Variants in LAMTOR3 observed in about 807,000 individuals in gnomAD.
LAMTOR3 encodes late endosomal/lysosomal adaptor, MAPK and MTOR activator 3, also known as ragulator complex protein LAMTOR3.
A neutral mutation model predicts 20.3 loss-of-function variants in LAMTOR3; 14 were observed. The ratio of observed to expected loss-of-function variants is 0.69; its 90% CI spans 0.46 to 1.08. The LOEUF (loss-of-function observed/expected upper bound fraction) is 1.08. Among genes scored for constraint, LAMTOR3 ranks in the 50% least tolerant of loss-of-function variants. The pLI, the probability that LAMTOR3 is intolerant of heterozygous loss-of-function variation, is 0.00. For missense variants in LAMTOR3, 125 were observed against 143.7 expected, an observed-to-expected ratio of 0.87 and a Z score of 0.67; for synonymous variants, 40 against 49.4, an observed-to-expected ratio of 0.81 and a Z score of 0.80.
intron 6 of LAMTOR3, among the ~76,000 whole-genome samples, chr4:99,883,657 T>C (rs2110179494): frequency 6.6e-6 from 1 of 152,100 alleles, no homozygotes; most frequent in African/African-American, 2.4e-5. Context: ...ATTTAATAGA[T>C]TGGTCTGTAA....
intron 4 of LAMTOR3, 145 bp from the exon 5 acceptor site, chr4:99,885,820 T>G: frequency 1.6e-6 from 1 of 623,444 alleles, no homozygotes; most frequent in South Asian, 2.7e-5. Flanking sequence ...TAATGGGGTC[T>G]CATCACTAAT....
chr4:99,884,254 T>C, intron 5 of LAMTOR3, 129 bp from the exon 6 acceptor site: 1 of 668,984 alleles, frequency 1.5e-6, no homozygotes, highest in Non-Finnish European at 2.6e-6. Flanking sequence ...GGTATTATAT[T>C]ATGAAACAGA....
chr4:99,889,593 A>G (rs1415634369), intron 3 of LAMTOR3, among the ~76,000 whole-genome samples: 1 of 152,240 alleles, frequency 6.6e-6, no homozygotes, highest in Non-Finnish European at 1.5e-5. Context: ...ATACGTGTAT[A>G]TACATGTCTG....
intron 4 of LAMTOR3, 110 bp from the exon 5 acceptor site, chr4:99,885,785 T>A: frequency 1.1e-6 from 1 of 911,322 alleles, no homozygotes; most frequent in Non-Finnish European, 1.7e-6. Flanking sequence ...AAGGTTATGT[T>A]TCACAATATT....
intron 3 of LAMTOR3, among the ~76,000 whole-genome samples, chr4:99,889,129 T>C (rs1053089018): frequency 6.6e-6 from 1 of 152,146 alleles, no homozygotes; most frequent in African/African-American, 2.4e-5. Context: ...CGATTGAACC[T>C]GGGTTGCAGT....
intron 6 of LAMTOR3, 48 bp downstream of exon 6, chr4:99,884,014 T>C: frequency 7.6e-7 from 1 of 1,314,626 alleles, no homozygotes. Context: ...ATTAAATTAA[T>C]TTTTTAAAAT....
Position 99,878,884 on chromosome 4 carries a change from A to G in LAMTOR3, c.*3110T>C, listed in dbSNP as rs1016367116. 3 of 152,248 alleles carry G rather than the reference A, an allele frequency of 2.0e-5. No homozygotes were observed. Among genetic ancestry groups the G allele is most frequent in the African/African-American group, 7.2e-5 (3 of 41,470 alleles). 9.4% of individuals were successfully genotyped at this position (152,248 alleles called of 1,614,324 possible). A position where few individuals can be genotyped will look rare whatever the true frequency, so the allele number is the denominator to read the frequency against. ...AGCATATGGTTATCCTACCTATGGC[A>G]GATATTTAGGTTGCTTCCAATTCTT... On this transcript the variant is annotated 3_prime_UTR_variant, in exon 7 of 7. Coordinates refer to ENST00000499666, the MANE Select transcript of LAMTOR3 (RefSeq NM_021970.4).
chr4:99,881,542 C>CA lies in LAMTOR3; in HGVS notation c.*451dup, dbSNP rs1303478880. The CA allele has an allele frequency of 6.5e-6, 1 of 154,708 alleles. No homozygotes were observed. Among genetic ancestry groups the CA allele is most frequent in the East Asian group, 1.9e-4 (1 of 5,218 alleles). 9.6% of individuals were successfully genotyped at this position (154,708 alleles called of 1,614,324 possible). On this transcript the variant is annotated 3_prime_UTR_variant, in exon 7 of 7. Transcript: ENST00000499666. Reference sequence around the variant, plus strand: ...ACCAAGCCATTTTATGTTCCTCACTCAATGCAAAGAAATAAAACATAATCT... The same window carrying CA: ...ACCAAGCCATTTTATGTTCCTCACTCAAATGCAAAGAAATAAAACATAATCT...
chr4:99,887,168 T>C (rs1459467340), intron 4 of LAMTOR3, 128 bp downstream of exon 4: 2 of 525,024 alleles, frequency 3.8e-6, no homozygotes, highest in Non-Finnish European at 6.7e-6. Flanking sequence ...CTTTCCCCAA[T>C]ACTAAGACCA....
At chr4:99,887,406 A>T (rs1724949109) in intron 3 of LAMTOR3, 52 bp from the exon 4 acceptor site, 5 of 811,404 alleles carry the variant, frequency 6.2e-6, no homozygotes, top group African/African-American at 1.8e-5. Flanking sequence ...ATAAAATTTT[A>T]AAAAGTTAAA....
chr4:99,885,187 C>G (rs982437485), intron 5 of LAMTOR3, among the ~76,000 whole-genome samples: 1 of 151,928 alleles, frequency 6.6e-6, no homozygotes, highest in African/African-American at 2.4e-5. Context: ...AATAAACTTT[C>G]AAGGAAAGTT....
chr4:99,882,176 CAT>C (rs1462317766), intron 6 of LAMTOR3, 109 bp from the exon 7 acceptor site: 7 of 663,648 alleles, frequency 1.1e-5, no homozygotes, highest in Non-Finnish European at 7.8e-6. Context: ...TAAATCAGAA[CAT>C]AGTTTATTTC....
chr4:99,888,520 A>T (rs1724968408), intron 3 of LAMTOR3, among the ~76,000 whole-genome samples: 1 of 152,222 alleles, frequency 6.6e-6, no homozygotes, highest in Non-Finnish European at 1.5e-5. Flanking sequence ...TGTTAACATA[A>T]ATCTTATAGT....
chr4:99,885,475 T>A (rs1390413222), intron 5 of LAMTOR3, 67 bp downstream of exon 5: 4 of 1,386,054 alleles, frequency 2.9e-6, no homozygotes, highest in Admixed American at 2.4e-5. Flanking sequence ...ACAAACTATT[T>A]TATATATATA....
At chr4:99,889,670 TG>T (rs1724989197) in intron 3 of LAMTOR3, among the ~76,000 whole-genome samples, 2 of 152,208 alleles carry the variant, frequency 1.3e-5, no homozygotes, top group African/African-American at 4.8e-5. Flanking sequence ...ACTGTGCATG[TG>T]GCTGGAGAGG....
In LAMTOR3 at chr4:99,880,454, GC is replaced by G. The variant is rs1320897239; in HGVS notation, c.*1539del. The G allele has an allele frequency of 6.6e-6, 1 of 152,054 alleles. No individual in the cohort carries two copies. The highest frequency in any genetic ancestry group is 1.5e-5 in the Non-Finnish European group (1 of 68,026). The allele number at this position is 152,054 out of a possible 1,614,324, so 9.4% of individuals were successfully genotyped here. A position where few individuals can be genotyped will look rare whatever the true frequency, so the allele number is the denominator to read the frequency against. ...CTAAAAATACACAAATTTGCCAAGT[GC>G]GATGGTGTAAGCCTGTAATCCCAGC... On this transcript the variant is annotated 3_prime_UTR_variant, in exon 7 of 7. Transcript: ENST00000499666.
Position 99,881,728 on chromosome 4 carries a change from C to T in LAMTOR3, c.*266G>A, listed in dbSNP as rs1020164081. On this transcript the variant is annotated 3_prime_UTR_variant, in exon 7 of 7. Coordinates refer to ENST00000499666, the MANE Select transcript of LAMTOR3 (RefSeq NM_021970.4). Reference sequence around the variant, plus strand: ...AGAATCTCTCATCCATATCTGGTGACCAGACTAACTCCATGGGAGCTGTGA... The same window carrying T: ...AGAATCTCTCATCCATATCTGGTGATCAGACTAACTCCATGGGAGCTGTGA... The T allele has an allele frequency of 2.7e-6, 1 of 373,382 alleles. No individual in the cohort carries two copies. The highest frequency in any genetic ancestry group is 2.2e-5 in the African/African-American group (1 of 46,474). The allele number at this position is 373,382 out of a possible 1,614,324, so 23.1% of individuals were successfully genotyped here. A position where few individuals can be genotyped will look rare whatever the true frequency, so the allele number is the denominator to read the frequency against.
intron 1 of LAMTOR3, 109 bp from the exon 2 acceptor site, chr4:99,894,109 G>T: frequency 4.6e-6 from 3 of 655,652 alleles, no homozygotes; most frequent in Non-Finnish European, 7.1e-6. Context: ...AAACCCCCGC[G>T]GTTCTAGGGC....
At position 99,893,977 on chromosome 4, in the gene LAMTOR3, C is replaced by G. The variant is rs1482823738; in HGVS notation, c.-14G>C. The G allele has an allele frequency of 2.6e-6, 4 of 1,550,852 alleles. No individual in the cohort carries two copies. In the East Asian group the frequency reaches 7.5e-5, roughly 29 times the overall value. On this transcript the variant is annotated 5_prime_UTR_variant, in exon 2 of 7. Transcript: ENST00000499666. The stretch of plus-strand genomic sequence containing the variant: ...CACATCCGCCATGATGAACCCCCTT[C>G]TCTCGCAGGATCAATCTCCACGCCT...
Sources: allele counts gnomAD v4.1 joint callset (sites outside exome capture counted in the v4.1 genomes callset), GRCh38; gene constraint gnomAD v4.1.1; transcripts MANE v1.5; gene names NCBI Gene and HGNC (gene_info 2026-07-23, HGNC 2026-07-21).